SAMD5: variants seen among roughly 807,000 people sequenced by gnomAD.
The protein encoded by SAMD5 is sterile alpha motif domain containing 5.
Under a neutral mutation model 11.3 loss-of-function variants are expected in SAMD5, and 13 were observed. The observed-to-expected ratio is 1.15, with a 90% CI of 0.75 to 1.83. The LOEUF is 1.83. SAMD5 is among the 40% of genes most tolerant of loss of function. The pLI, the probability that SAMD5 is intolerant of heterozygous loss-of-function variation, is 0.00. For missense variants in SAMD5, 255 were observed against 239.1 expected (o/e 1.07, Z -0.44); for synonymous variants, 129 against 111.3 (o/e 1.16, Z -1.00).
At chr6:147,800,399 A>G in the SAMD5 span, among the ~76,000 whole-genome samples, 1 of 151,986 alleles carries the variant, frequency 6.6e-6, no homozygotes. Flanking sequence ...GGGGTCAGGG[A>G]CCCACTTGAG....
intron 1 of SAMD5, among the ~76,000 whole-genome samples, chr6:147,623,197 G>T (rs977787117): frequency 1.3e-5 from 2 of 152,148 alleles, no homozygotes; most frequent in Admixed American, 6.5e-5. Context: ...TGTGTGTTGT[G>T]GGGGAGGAAA....
chr6:147,740,846 A>T (rs898181798), downstream of SAMD5, among the ~76,000 whole-genome samples: 16 of 152,220 alleles, frequency 1.1e-4, no homozygotes, highest in African/African-American at 3.6e-4. Flanking sequence ...TCAAGGCTAA[A>T]CATACACACG....
chr6:147,716,405 C>T (rs1053657258), intron 1 of SAMD5, among the ~76,000 whole-genome samples: 5 of 152,232 alleles, frequency 3.3e-5, no homozygotes, highest in Non-Finnish European at 5.9e-5. Flanking sequence ...GGTAGGGGTT[C>T]CTTCCCAGGC....
the SAMD5 span, among the ~76,000 whole-genome samples, chr6:147,909,679 T>C: frequency 6.6e-6 from 1 of 150,696 alleles, no homozygotes; most frequent in African/African-American, 2.4e-5. Flanking sequence ...AAAGTTTGAT[T>C]GGAGCTTTAG....
At chr6:147,594,068 G>A (rs1789494089) in intron 1 of SAMD5, among the ~76,000 whole-genome samples, 1 of 151,912 alleles carries the variant, frequency 6.6e-6, no homozygotes, top group Non-Finnish European at 1.5e-5. Context: ...GATGGAGGTT[G>A]CACTGAGCTG....
At chr6:147,571,523 A>T (rs1789138586), downstream of SAMD5, among the ~76,000 whole-genome samples, 1 of 151,642 alleles carries the variant, frequency 6.6e-6, no homozygotes, top group Non-Finnish European at 1.5e-5. Flanking sequence ...CTGAGGACAG[A>T]GTACATTCGT....
At chr6:147,869,180 A>G in the SAMD5 span, among the ~76,000 whole-genome samples, 2 of 152,204 alleles carry the variant, frequency 1.3e-5, no homozygotes, top group Admixed American at 1.3e-4. Context: ...ATCAGTTACA[A>G]AGGATCTAAA....
chr6:147,674,381 C>A (rs937608577), intron 1 of SAMD5, among the ~76,000 whole-genome samples: 3 of 152,276 alleles, frequency 2.0e-5, no homozygotes, highest in African/African-American at 7.2e-5. Flanking sequence ...TGGTTCCACC[C>A]TCCCTTTCCC....
chr6:147,876,686 T>C, the SAMD5 span, among the ~76,000 whole-genome samples: 1 of 152,214 alleles, frequency 6.6e-6, no homozygotes, highest in Admixed American at 6.5e-5. Context: ...ATAACTCTGT[T>C]TGACTTGGCA....
the SAMD5 span, among the ~76,000 whole-genome samples, chr6:147,896,753 A>ACACAC: frequency 6.7e-6 from 1 of 149,910 alleles, no homozygotes; most frequent in Non-Finnish European, 1.5e-5. Context: ...AAAAAAAAAA[A>ACACAC]AAAAAAAAAA....
At chr6:147,688,630 C>T (rs1791052025) in intron 1 of SAMD5, among the ~76,000 whole-genome samples, 1 of 152,178 alleles carries the variant, frequency 6.6e-6, no homozygotes, top group South Asian at 2.1e-4. Flanking sequence ...TTTAAAACTA[C>T]CAGAAGTTCT....
the SAMD5 span, among the ~76,000 whole-genome samples, chr6:147,877,395 C>G: frequency 2.0e-5 from 3 of 152,104 alleles, no homozygotes; most frequent in Admixed American, 6.5e-5. Context: ...TTCAACCTTA[C>G]AACAGAGAAA....
the SAMD5 span, among the ~76,000 whole-genome samples, chr6:147,939,475 C>T: frequency 4.6e-5 from 7 of 152,234 alleles, no homozygotes; most frequent in Non-Finnish European, 1.0e-4. Context: ...CCAAGAGTTG[C>T]GTCTTTAAAA....
chr6:147,509,398 G>A lies in SAMD5; in HGVS notation c.459+11G>A. On this transcript the variant is annotated intron_variant, in intron 1 of 1. Coordinates refer to ENST00000367474, the MANE Select transcript of SAMD5 (RefSeq NM_001030060.3). ...CCGTACTCCCGCAAGGTAAGGAGGT[G>A]CCGTCCGGGCGGCCCGGGGCGCGCG... 3.3e-6 allele frequency: 5 copies of A among 1,511,394 alleles called. No homozygotes were observed. The highest frequency in any genetic ancestry group is 2.5e-5 in the South Asian group (2 of 78,888). 93.6% of individuals were successfully genotyped at this position (1,511,394 alleles called of 1,614,324 possible). A position where few individuals can be genotyped will look rare whatever the true frequency, so the allele number is the denominator to read the frequency against.
At chr6:147,615,215 A>C (rs531606472) in intron 1 of SAMD5, among the ~76,000 whole-genome samples, 3 of 150,440 alleles carry the variant, frequency 2.0e-5, no homozygotes, top group African/African-American at 7.5e-5. Context: ...TAAAAAGCTA[A>C]GCAGAATAAA....
the SAMD5 span, among the ~76,000 whole-genome samples, chr6:147,869,256 G>C: frequency 6.6e-6 from 1 of 152,194 alleles, no homozygotes; most frequent in Non-Finnish European, 1.5e-5. Context: ...GATTGTGATA[G>C]TCAGCTGATG....
chr6:147,834,028 C>T, the SAMD5 span, among the ~76,000 whole-genome samples: 4 of 152,174 alleles, frequency 2.6e-5, no homozygotes, highest in Non-Finnish European at 2.9e-5. Context: ...ACTTCCTTTG[C>T]GTTTACATTT....
At chr6:147,605,853 G>C (rs1256821371) in intron 1 of SAMD5, among the ~76,000 whole-genome samples, 1 of 152,042 alleles carries the variant, frequency 6.6e-6, no homozygotes, top group African/African-American at 2.4e-5. Flanking sequence ...CTTTAAGCTG[G>C]GAAGCCAAAA....
the SAMD5 span, among the ~76,000 whole-genome samples, chr6:147,878,615 ATATATG>A: frequency 6.8e-6 from 1 of 146,774 alleles, no homozygotes; most frequent in East Asian, 2.0e-4. Context: ...CTATATAGAT[ATATATG>A]TATATATATC....
Sources: allele counts gnomAD v4.1 joint callset (sites outside exome capture counted in the v4.1 genomes callset), GRCh38; gene constraint gnomAD v4.1.1; transcripts MANE v1.5; gene names NCBI Gene and HGNC (gene_info 2026-07-23, HGNC 2026-07-21).